TSHZ2: variants seen among roughly 807,000 people sequenced by gnomAD.
TSHZ2 encodes teashirt zinc finger homeobox 2, also known as teashirt homolog 2.
In TSHZ2, 21 loss-of-function variants were observed where a neutral mutation model predicts 74.4. The ratio of observed to expected loss-of-function variants is 0.28; its 90% CI spans 0.20 to 0.41. TSHZ2 has a LOEUF of 0.41. Among genes scored for constraint, TSHZ2 ranks in the 10% least tolerant of loss-of-function variants. The probability of loss-of-function intolerance (pLI) is 1.00; values close to 1 mark genes in which losing one functional copy is unlikely to be tolerated. For synonymous variants in TSHZ2, 540 were observed against 515.3 expected (o/e 1.05, Z -0.65); for missense variants, 1,244 against 1,293.5 (o/e 0.96, Z 0.59).
intron 2 of TSHZ2, among the ~76,000 whole-genome samples, chr20:53,293,637 C>T (rs971039134): frequency 6.0e-5 from 9 of 150,026 alleles, no homozygotes; most frequent in African/African-American, 2.2e-4. Context: ...GTTATGGATG[C>T]TGCTCTGTCA....
intron 1 of TSHZ2, among the ~76,000 whole-genome samples, chr20:53,251,477 A>G (rs1990330052): frequency 6.6e-6 from 1 of 152,274 alleles, no homozygotes; most frequent in African/African-American, 2.4e-5. Flanking sequence ...TAATTCGGCC[A>G]TATGGTCATT....
intron 2 of TSHZ2, among the ~76,000 whole-genome samples, chr20:53,459,685 G>A (rs1344764021): frequency 7.0e-6 from 1 of 142,528 alleles, no homozygotes; most frequent in Non-Finnish European, 1.5e-5. Context: ...TGATTTTGCA[G>A]CGGCTGGTAC....
intron 1 of TSHZ2, among the ~76,000 whole-genome samples, chr20:53,247,812 A>G (rs1367790716): frequency 6.6e-6 from 1 of 152,236 alleles, no homozygotes; most frequent in Non-Finnish European, 1.5e-5. Context: ...TTAGTTTTTA[A>G]AAATCAGCCT....
Position 53,489,136 on chromosome 20 carries a change from G to A in TSHZ2, c.*2001G>A, listed in dbSNP as rs948538832. 2.4e-5 allele frequency: 11 copies of A among 456,104 alleles called. No individual in the cohort carries two copies. Among genetic ancestry groups the A allele is most frequent in the African/African-American group, 1.0e-4 (5 of 50,038 alleles). 28.3% of individuals were successfully genotyped at this position (456,104 alleles called of 1,614,324 possible). On this transcript the variant is annotated 3_prime_UTR_variant, in exon 3 of 3. Transcript: ENST00000371497. The stretch of plus-strand genomic sequence containing the variant: ...CAAGGAAAAATAGCAACAGTACAAC[G>A]GGGTGGCTTTTATGGGATTTACTCA...
chr20:53,278,911 C>G (rs184203468), intron 2 of TSHZ2, among the ~76,000 whole-genome samples: 1 of 152,166 alleles, frequency 6.6e-6, no homozygotes, highest in Non-Finnish European at 1.5e-5. Flanking sequence ...TTTGACTTCA[C>G]GAAAACTTAA....
At chr20:53,063,652 T>C (rs1170944945) in intron 1 of TSHZ2, among the ~76,000 whole-genome samples, 1 of 152,192 alleles carries the variant, frequency 6.6e-6, no homozygotes, top group African/African-American at 2.4e-5. Context: ...GAATAGAAAA[T>C]GTGTGTTTGC....
At chr20:53,135,004 G>A (rs889919143) in intron 1 of TSHZ2, among the ~76,000 whole-genome samples, 2 of 55,040 alleles carry the variant, frequency 3.6e-5, no homozygotes, top group South Asian at 6.2e-4. Context: ...ACATGCACAT[G>A]CAGACACACA....
At chr20:53,311,814 GC>G (rs1978801582) in intron 2 of TSHZ2, among the ~76,000 whole-genome samples, 1 of 152,194 alleles carries the variant, frequency 6.6e-6, no homozygotes, top group African/African-American at 2.4e-5. Context: ...AGGCATGGTG[GC>G]TCACACCTGT....
In TSHZ2 at chr20:53,391,653, G is replaced by A. The variant is rs185887934; in HGVS notation, c.*9-95491G>A. On this transcript the variant is annotated intron_variant, in intron 2 of 2. Coordinates refer to ENST00000371497, the MANE Select transcript of TSHZ2 (RefSeq NM_173485.6). ...ATATTTAAGCAATGATATTAAGAATGGCAAAATAGCCGAGCACAGTGGCTC... is the reference window on the plus strand; with the variant it reads ...ATATTTAAGCAATGATATTAAGAATAGCAAAATAGCCGAGCACAGTGGCTC... Among the ~76,000 whole-genome samples the A allele has an allele frequency of 3.3e-5, 5 of 152,240 alleles. No individual in the cohort carries two copies. The East Asian group carries it at 7.7e-4, about 23-fold the overall frequency.
chr20:53,234,988 T>A (rs1005731504), intron 1 of TSHZ2, among the ~76,000 whole-genome samples: 1 of 151,606 alleles, frequency 6.6e-6, no homozygotes. Context: ...CATGGAGGAG[T>A]CAAGGTGGCA....
chr20:53,102,120 A>T (rs1191389578), intron 1 of TSHZ2, among the ~76,000 whole-genome samples: 1 of 152,160 alleles, frequency 6.6e-6, no homozygotes, highest in African/African-American at 2.4e-5. Flanking sequence ...GCAATGAGAA[A>T]TTTCCCTCTA....
chr20:53,294,948 G>C (rs6097340), intron 2 of TSHZ2, among the ~76,000 whole-genome samples: 1 of 152,164 alleles, frequency 6.6e-6, no homozygotes, highest in Non-Finnish European at 1.5e-5. Context: ...GCTGCTGGAG[G>C]CTCCAGTGGA....
chr20:53,172,983 T>G (rs1988237537), intron 1 of TSHZ2, among the ~76,000 whole-genome samples: 1 of 152,210 alleles, frequency 6.6e-6, no homozygotes, highest in South Asian at 2.1e-4. Flanking sequence ...CTCCCTGCTG[T>G]AAGCCTCAAT....
intron 1 of TSHZ2, among the ~76,000 whole-genome samples, chr20:53,036,172 C>T (rs1324573643): frequency 6.6e-6 from 1 of 152,106 alleles, no homozygotes; most frequent in African/African-American, 2.4e-5. Flanking sequence ...CTTAATTTGA[C>T]CCACATGTAC....
At chr20:53,344,584 A>G (rs1980360795) in intron 2 of TSHZ2, among the ~76,000 whole-genome samples, 2 of 152,230 alleles carry the variant, frequency 1.3e-5, no homozygotes, top group South Asian at 4.1e-4. Context: ...GAAGAAAAGA[A>G]GAGAAAAATC....
intron 1 of TSHZ2, among the ~76,000 whole-genome samples, chr20:53,160,283 GT>G (rs1345378389): frequency 6.6e-6 from 1 of 152,206 alleles, no homozygotes; most frequent in Non-Finnish European, 1.5e-5. Context: ...GGGGGTGGTA[GT>G]TTTTTATGGG....
chr20:53,006,339 C>T (rs1005097261), intron 1 of TSHZ2, among the ~76,000 whole-genome samples: 1 of 152,144 alleles, frequency 6.6e-6, no homozygotes, highest in African/African-American at 2.4e-5. Flanking sequence ...TGAAAAGAGA[C>T]TGAGAAATAG....
intron 2 of TSHZ2, among the ~76,000 whole-genome samples, chr20:53,307,828 G>T (rs577149743): frequency 6.6e-6 from 1 of 151,370 alleles, no homozygotes; most frequent in Admixed American, 6.6e-5. Context: ...GATCTGGGCG[G>T]CTCTAAACCA....
intron 1 of TSHZ2, among the ~76,000 whole-genome samples, chr20:53,181,202 A>G (rs1440478156): frequency 1.3e-5 from 2 of 152,060 alleles, no homozygotes; most frequent in African/African-American, 4.8e-5. Flanking sequence ...TCTCTTTTCC[A>G]TAGCTCCAGT....
Sources: gnomAD v4.1 joint callset for allele counts (sites outside exome capture counted in the v4.1 genomes callset) on GRCh38, gnomAD v4.1.1 for gene constraint, MANE v1.5 for transcripts, NCBI Gene and HGNC (gene_info 2026-07-23, HGNC 2026-07-21) for gene names.